CELSR1: variants seen among roughly 807,000 people sequenced by gnomAD.
CELSR1 encodes cadherin EGF LAG seven-pass G-type receptor 1.
In CELSR1, 110 loss-of-function variants were observed where a neutral mutation model predicts 249.1. The observed-to-expected ratio is 0.44, with a 90% CI of 0.38 to 0.52. The LOEUF (loss-of-function observed/expected upper bound fraction) is 0.52, where lower values mean the gene tolerates loss of function less well. CELSR1 is among the 20% of genes least tolerant of loss of function. The probability of loss-of-function intolerance (pLI) is 0.00; values close to 1 mark genes in which losing one functional copy is unlikely to be tolerated. For synonymous variants in CELSR1, 2,113 were observed against 1,900.0 expected (o/e 1.11, Z -2.92); for missense variants, 4,109 against 4,296.4 (o/e 0.96, Z 1.22).
chr22:46,366,502 G>C (rs981029533), intron 29 of CELSR1, 22 bp from the exon 30 acceptor site: 1 of 1,537,080 alleles, frequency 6.5e-7, no homozygotes, highest in African/African-American at 1.4e-5. Context: ...GGAGGGGCTG[G>C]TCACTGCCAA....
rs904189035 is a variant in CELSR1, at chr22:46,481,878, T to C, written c.3545-17533A>G. 3 of 184,720 alleles carry C rather than the reference T, an allele frequency of 1.6e-5. No homozygotes were observed. The Admixed American group carries it at 1.9e-4, about 11-fold the overall frequency. 11.4% of individuals were successfully genotyped at this position (184,720 alleles called of 1,614,324 possible). A position where few individuals can be genotyped will look rare whatever the true frequency, so the allele number is the denominator to read the frequency against. On this transcript the variant is annotated intron_variant, in intron 1 of 34. Transcript: ENST00000674500. Reference sequence around the variant, plus strand: ...ACCTCTGCCTCCCGGGTTCAAGAGATTCTCCTGCCTCAGCCTCCCGAGTAG... The same window carrying C: ...ACCTCTGCCTCCCGGGTTCAAGAGACTCTCCTGCCTCAGCCTCCCGAGTAG...
intron 20 of CELSR1, among the ~76,000 whole-genome samples, chr22:46,382,601 G>A (rs1364584170): frequency 6.6e-6 from 1 of 152,150 alleles, no homozygotes; most frequent in African/African-American, 2.4e-5. Flanking sequence ...CTATGCCCAT[G>A]TTCACAGCAG....
At chr22:46,486,231 G>A (rs533939539) in intron 1 of CELSR1, among the ~76,000 whole-genome samples, 64 of 148,370 alleles carry the variant, frequency 4.3e-4, no homozygotes, top group Non-Finnish European at 5.7e-4. Context: ...GAGCCACCGC[G>A]CCCGGCCTCA....
At chr22:46,509,170 C>A (rs6008881) in intron 1 of CELSR1, among the ~76,000 whole-genome samples, 16,897 of 152,140 alleles carry the variant, frequency 0.11, 1,044 homozygotes, top group African/African-American at 0.16. Context: ...GCTCCCATGG[C>A]CAAGTCCTAG....
rs2079925166 is a variant in CELSR1 at position 46,454,617 on chromosome 22, T to G, written c.4183+9090A>C. Among the ~76,000 whole-genome samples, 1 of 152,238 alleles carries G rather than the reference T, an allele frequency of 6.6e-6. No individual in the cohort carries two copies. On this transcript the variant is annotated intron_variant, in intron 2 of 34. Coordinates refer to ENST00000674500, the MANE Select transcript of CELSR1 (RefSeq NM_001378328.1). This position sits in a 1 kb window ranked among gnomAD's most constrained non-coding sequence, Gnocchi z 5.1. ...ACATTTCTGGGCAGATGTTTGTTCCTCACTGACTCACATTCCACACCTAGT... is the reference window on the plus strand; with the variant it reads ...ACATTTCTGGGCAGATGTTTGTTCCGCACTGACTCACATTCCACACCTAGT...
At chr22:46,442,814 T>C (rs538722049) in intron 2 of CELSR1, among the ~76,000 whole-genome samples, 2 of 152,052 alleles carry the variant, frequency 1.3e-5, no homozygotes, top group Non-Finnish European at 2.9e-5. Context: ...TAACTGGGCC[T>C]GGCGCGGTGG....
intron 25 of CELSR1, among the ~76,000 whole-genome samples, chr22:46,370,457 C>A (rs2078839766): frequency 6.6e-6 from 1 of 152,074 alleles, no homozygotes. Flanking sequence ...CACCACCGAG[C>A]CTGCTATACG....
chr22:46,396,606 T>C lies in CELSR1; in HGVS notation c.5842A>G (p.Lys1948Glu). The C allele has an allele frequency of 6.3e-7, 1 of 1,575,048 alleles. No individual in the cohort carries two copies. The highest frequency in any genetic ancestry group is 8.6e-7 in the Non-Finnish European group (1 of 1,162,096). The change falls in exon 13 of 35, where the codon AAA becomes GAA. Residue 1948 changes from lysine (K) to glutamate (E), a missense_variant and splice_region_variant. Lys to Glu is a moderately conservative substitution (Grantham distance 56). This residue lies in a region of CELSR1 where 1,805 missense variants were observed against 1,831.6 expected (regional missense o/e 0.99). Transcript: ENST00000674500. This position sits in a 1 kb window ranked among gnomAD's most constrained non-coding sequence, Gnocchi z 6.4. The part of the protein sequence containing the change: ...PSHYGPYCEN[K>E]LDLPCPRGWW... Reference sequence around the variant, plus strand: ...GGAGGCACCAGGGGCTGCTCTTACTTGTTCTCACAGTACGGCCCGTAGTGA... The same window carrying C: ...GGAGGCACCAGGGGCTGCTCTTACTCGTTCTCACAGTACGGCCCGTAGTGA...
In CELSR1 at chr22:46,534,825, G is replaced by A. The variant is rs371145693; in HGVS notation, c.2346C>T (p.Ala782=). The change falls in exon 1 of 35, where the codon GCC becomes GCT. Residue 782 remains alanine (A), a synonymous_variant. Coordinates refer to ENST00000674500, the MANE Select transcript of CELSR1 (RefSeq NM_001378328.1). The surrounding 1 kb of genome is among the most constrained non-coding windows in gnomAD (Gnocchi z 9.7). Reference sequence around the variant, plus strand: ...TCTGAAAGACAGGCCTGTGGGTGTTGGCATCAGTGACGTTGATTAGGACAT... The same window carrying A: ...TCTGAAAGACAGGCCTGTGGGTGTTAGCATCAGTGACGTTGATTAGGACAT... ...TAHVLINVTD[A]NTHRPVFQSS... The A allele has an allele frequency of 1.9e-5, 31 of 1,613,062 alleles. 1 individual carries two copies. Among genetic ancestry groups the A allele is most frequent in the Non-Finnish European group, 2.2e-5 (26 of 1,179,932 alleles).
At chr22:46,503,496 G>A (rs1306479733) in intron 1 of CELSR1, among the ~76,000 whole-genome samples, 2 of 152,240 alleles carry the variant, frequency 1.3e-5, no homozygotes, top group Non-Finnish European at 2.9e-5. Context: ...TGAGACACAG[G>A]AAGAACCACA....
At chr22:46,522,827 G>A (rs980351306) in intron 1 of CELSR1, among the ~76,000 whole-genome samples, 7 of 152,214 alleles carry the variant, frequency 4.6e-5, no homozygotes, top group African/African-American at 1.7e-4. Flanking sequence ...CCCAGCGTCA[G>A]GCAATCTGAA....
In CELSR1 at chr22:46,381,482, ACCTAACCCCGGGG is replaced by A. The variant is rs1354389605; in HGVS notation, c.7088+351_7088+363del. ...TTTCCAGCCAGGACTAGCTGAGCAGACCTAACCCCGGGGCCAGCAGCAGGCACTACCCATGACA... is the reference window on the plus strand; with the variant it reads ...TTTCCAGCCAGGACTAGCTGAGCAGACCAGCAGCAGGCACTACCCATGACA... On this transcript the variant is annotated intron_variant, in intron 21 of 34. Transcript: ENST00000674500. The surrounding 1 kb of genome is among the most constrained non-coding windows in gnomAD (Gnocchi z 6.0). Among the ~76,000 whole-genome samples, 1 of 152,110 alleles carries A rather than the reference ACCTAACCCCGGGG, an allele frequency of 6.6e-6. No individual in the cohort carries two copies. Among genetic ancestry groups the A allele is most frequent in the African/African-American group, 2.4e-5 (1 of 41,412 alleles).
rs1465910919 is a variant in CELSR1 at position 46,473,853 on chromosome 22, G to A, written c.3545-9508C>T. The stretch of plus-strand genomic sequence containing the variant: ...TGTTTTAGAGGCCAGATTGGGGCCA[G>A]ACAACAGGTGCGATGTGTTGATCCT... On this transcript the variant is annotated intron_variant, in intron 1 of 34. Coordinates refer to ENST00000674500, the MANE Select transcript of CELSR1 (RefSeq NM_001378328.1). The surrounding 1 kb of genome is among the most constrained non-coding windows in gnomAD (Gnocchi z 6.6). Among the ~76,000 whole-genome samples, 1 of 152,154 alleles carries A rather than the reference G, an allele frequency of 6.6e-6. No individual in the cohort carries two copies. Among genetic ancestry groups the A allele is most frequent in the East Asian group, 1.9e-4 (1 of 5,190 alleles).
In CELSR1 at chr22:46,410,010, GC is replaced by G. The variant is rs1441300918; in HGVS notation, c.4934-131del. 1.1e-4 allele frequency: 135 copies of G among 1,189,914 alleles called. 3 individuals carry two copies. In the South Asian group the frequency reaches 1.8e-3, roughly 16 times the overall value. 73.7% of individuals were successfully genotyped at this position (1,189,914 alleles called of 1,614,324 possible). ...GACAGAAGTCAGACCAGGTCTGAAC[GC>G]CCCTGGCAACGGCAGGAACATGGGA... is the stretch of plus-strand genomic sequence containing the variant. On this transcript the variant is annotated intron_variant, in intron 7 of 34. Coordinates refer to ENST00000674500, the MANE Select transcript of CELSR1 (RefSeq NM_001378328.1). The surrounding 1 kb of genome is among the most constrained non-coding windows in gnomAD (Gnocchi z 6.8).
chr22:46,367,197 C>G (rs11912939), intron 28 of CELSR1, 79 bp from the exon 29 acceptor site: 134,872 of 1,527,912 alleles, frequency 0.088, 6,732 homozygotes, highest in African/African-American at 0.17. Context: ...CACAGATGCG[C>G]ATACAGCCTT....
At position 46,407,045 on chromosome 22, in the gene CELSR1, C is replaced by T. The variant is rs1300828479; in HGVS notation, c.5226+1951G>A. ...CCTGGGAGAACAGGGTGAGTGTTCC[C>T]GTGTGGCCGACCCCAAGGCAGGAGA... On this transcript the variant is annotated intron_variant, in intron 9 of 34. Coordinates refer to ENST00000674500, the MANE Select transcript of CELSR1 (RefSeq NM_001378328.1). The surrounding 1 kb of genome is among the most constrained non-coding windows in gnomAD (Gnocchi z 4.8). Among the ~76,000 whole-genome samples, 3 of 152,164 alleles carry T rather than the reference C, an allele frequency of 2.0e-5. No individual in the cohort carries two copies. Among genetic ancestry groups the T allele is most frequent in the Non-Finnish European group, 4.4e-5 (3 of 68,032 alleles).
chr22:46,528,927 TCAAAA>T (rs1468507827), intron 1 of CELSR1, among the ~76,000 whole-genome samples: 1 of 103,544 alleles, frequency 9.7e-6, no homozygotes, highest in African/African-American at 5.0e-5. Context: ...AGACTCTGTC[TCAAAA>T]TAAAATAAAA....
intron 1 of CELSR1, among the ~76,000 whole-genome samples, chr22:46,479,256 C>T (rs554104125): frequency 1.8e-4 from 27 of 152,110 alleles, no homozygotes; most frequent in African/African-American, 6.3e-4. Flanking sequence ...CAGGTCTGTC[C>T]CGACCCCCAT....
At position 46,396,470 on chromosome 22, in the gene CELSR1, T is replaced by A. The variant is rs2079148539; in HGVS notation, c.5843+135A>T. On this transcript the variant is annotated intron_variant, in intron 13 of 34. Transcript: ENST00000674500. The surrounding 1 kb of genome is among the most constrained non-coding windows in gnomAD (Gnocchi z 6.4). ...GATTTTCACTTAATTCATGCCAAAT[T>A]AAAAAAAAATATGTCCCTGTTACCC... 1.1e-6 allele frequency: 1 copy of A among 919,564 alleles called. No individual in the cohort carries two copies. The highest frequency in any genetic ancestry group is 1.4e-6 in the Non-Finnish European group (1 of 693,902). The allele number at this position is 919,564 out of a possible 1,614,324, so 57.0% of individuals were successfully genotyped here.
Sources: gnomAD v4.1 joint callset for allele counts (sites outside exome capture counted in the v4.1 genomes callset) on GRCh38, gnomAD v4.1.1 for gene constraint, gnomAD v4.1.1 regional missense constraint, Gnocchi (gnomAD v3.1) non-coding constraint, MANE v1.5 for transcripts, NCBI Gene and HGNC (gene_info 2026-07-23, HGNC 2026-07-21) for gene names.